CEP170B: variants seen among roughly 807,000 people sequenced by gnomAD.
The protein encoded by CEP170B is centrosomal protein of 170 kDa protein B.
CEP170B carries 55 observed loss-of-function variants against 120.6 expected under a neutral mutation model. That is an observed-to-expected ratio of 0.46 (90% confidence interval 0.37 to 0.57). The LOEUF is 0.57. Among genes scored for constraint, CEP170B ranks in the 20% least tolerant of loss-of-function variants. The pLI, the probability that CEP170B is intolerant of heterozygous loss-of-function variation, is 0.00. For missense variants in CEP170B, 2,212 were observed against 2,253.3 expected, an observed-to-expected ratio of 0.98 and a Z score of 0.37; for synonymous variants, 1,033 against 954.5, an observed-to-expected ratio of 1.08 and a Z score of -1.52.
Position 104,868,602 on chromosome 14 carries a change from T to G in CEP170B, c.105+47T>G. ...CCAGGAGGGTAGGGGGTAGACAGTC[T>G]GTCCCTGTGGAGGCCAGGAAGGTGC... On this transcript the variant is annotated intron_variant, in intron 2 of 18. Transcript: ENST00000414716. This position sits in a 1 kb window ranked among gnomAD's most constrained non-coding sequence, Gnocchi z 5.9. 1 of 1,519,240 alleles carries G rather than the reference T, an allele frequency of 6.6e-7. No individual in the cohort carries two copies. The highest frequency in any genetic ancestry group is 8.9e-7 in the Non-Finnish European group (1 of 1,126,024). 94.1% of individuals were successfully genotyped at this position (1,519,240 alleles called of 1,614,324 possible).
chr14:104,868,916 A>G lies in CEP170B; in HGVS notation c.105+361A>G, dbSNP rs1477084431. Among the ~76,000 whole-genome samples the G allele has an allele frequency of 2.6e-5, 4 of 152,074 alleles. No homozygotes were observed. ...AGGCTGGGCTTTGGAAGGTCCTGGA[A>G]AGCCGGTCTGTCCATATTCTTGTTG... is the stretch of plus-strand genomic sequence containing the variant. On this transcript the variant is annotated intron_variant, in intron 2 of 18. Coordinates refer to ENST00000414716, the MANE Select transcript of CEP170B (RefSeq NM_001112726.3). The surrounding 1 kb of genome is among the most constrained non-coding windows in gnomAD (Gnocchi z 5.9).
chr14:104,886,002 G>A, intron 10 of CEP170B, 38 bp from the exon 11 acceptor site: 1 of 1,497,448 alleles, frequency 6.7e-7, no homozygotes, highest in Non-Finnish European at 8.9e-7. Flanking sequence ...TCGCCGTTGG[G>A]CTTGCGTGTG....
At position 104,893,639 on chromosome 14, in the gene CEP170B, C is replaced by G. The variant is rs1398765329; in HGVS notation, c.4155C>G (p.Asn1385Lys). 4 of 1,593,210 alleles carry G rather than the reference C, an allele frequency of 2.5e-6. No individual in the cohort carries two copies. Among genetic ancestry groups the G allele is most frequent in the Admixed American group, 1.8e-5 (1 of 56,974 alleles). ...MNDSCEDALANKTRPRNREEV... is the reference protein window; with the variant it reads ...MNDSCEDALAKKTRPRNREEV... The stretch of plus-strand genomic sequence containing the variant: ...ACAGCTGTGAGGACGCCCTGGCCAA[C>G]AAGACGCGGCCTCGGAACCGAGAGG... The change falls in exon 15 of 19, where the codon AAC (asparagine) becomes AAG (lysine). Residue 1385 changes from asparagine (N) to lysine (K), a missense_variant. Around this residue, in one of 2 missense-constraint regions of CEP170B, gnomAD observed 2,166 missense variants for 2,166.7 expected, o/e 1.00. Coordinates refer to ENST00000414716, the MANE Select transcript of CEP170B (RefSeq NM_001112726.3).
At chr14:104,872,295 T>TGTGC (rs1465735906) in intron 2 of CEP170B, among the ~76,000 whole-genome samples, 1 of 122,038 alleles carries the variant, frequency 8.2e-6, no homozygotes, top group Non-Finnish European at 1.7e-5. Context: ...GCCGCGTGTG[T>TGTGC]GTGCCATGGG....
rs754958886 is a variant in CEP170B, at chr14:104,894,849, C to T, written c.4556C>T (p.Ala1519Val). 13 of 1,609,828 alleles carry T rather than the reference C, an allele frequency of 8.1e-6. No individual in the cohort carries two copies. The highest frequency in any genetic ancestry group is 4.5e-5 in the East Asian group (2 of 44,800). ...QSPPSPASAE[A>V]LLPALPLRNF... The stretch of plus-strand genomic sequence containing the variant: ...CCACCCTCACCCGCCTCAGCCGAGG[C>T]CCTGCTGCCAGCCCTGCCCCTGAGG... Residue 1519 changes from alanine (A) to valine (V), a missense_variant, in exon 19 of 19, where the codon GCC becomes GTC. Physicochemically the swap from Ala to Val is moderately conservative, Grantham distance 64 (BLOSUM62 0). This residue lies in a region of CEP170B where 2,166 missense variants were observed against 2,166.7 expected (regional missense o/e 1.00). Coordinates refer to ENST00000414716, the MANE Select transcript of CEP170B (RefSeq NM_001112726.3).
rs1252154721 is a variant in CEP170B, at chr14:104,867,103, C to T, written c.-27-1321C>T. Among the ~76,000 whole-genome samples the T allele has an allele frequency of 2.0e-5, 3 of 152,190 alleles. No individual in the cohort carries two copies. Among genetic ancestry groups the T allele is most frequent in the South Asian group, 2.1e-4 (1 of 4,828 alleles). On this transcript the variant is annotated intron_variant, in intron 1 of 18. Transcript: ENST00000414716. This position sits in a 1 kb window ranked among gnomAD's most constrained non-coding sequence, Gnocchi z 5.4. The stretch of plus-strand genomic sequence containing the variant: ...TCTCAGTTTTTGAATAAGGGTACCG[C>T]GTTTTCTTTTTGTGCTGGGCCCTGC...
Position 104,893,575 on chromosome 14 carries a change from G to A in CEP170B, c.4091G>A (p.Gly1364Asp). The A allele has an allele frequency of 6.2e-7, 1 of 1,604,636 alleles. No individual in the cohort carries two copies. Among genetic ancestry groups the A allele is most frequent in the African/African-American group, 1.3e-5 (1 of 74,828 alleles). Residue 1364 changes from glycine to aspartate, a missense_variant, in exon 15 of 19, where the codon GGC (glycine) becomes GAC (aspartate). Gly to Asp is a moderately conservative substitution (Grantham distance 94). This residue lies in a region of CEP170B where 2,166 missense variants were observed against 2,166.7 expected (regional missense o/e 1.00). Coordinates refer to ENST00000414716, the MANE Select transcript of CEP170B (RefSeq NM_001112726.3). Reference sequence around the variant, plus strand: ...CTCAACTTCCAGAAGGTGCCGCCCGGCTCGCTGAACTCTCGGGACTTTGAC... The same window carrying A: ...CTCAACTTCCAGAAGGTGCCGCCCGACTCGCTGAACTCTCGGGACTTTGAC... ...ASLNFQKVPP[G>D]SLNSRDFDQN...
At position 104,877,979 on chromosome 14, in the gene CEP170B, G is replaced by A. The variant is rs759477787; in HGVS notation, c.274+16G>A. ...TTCGGCTACGATATCCTGCCCCTGA[G>A]CGTCCCTCCTCCTGGGCTTCTTCTC... On this transcript the variant is annotated intron_variant, in intron 4 of 18. Transcript: ENST00000414716. The A allele has an allele frequency of 1.9e-6, 3 of 1,598,072 alleles. No homozygotes were observed. Among genetic ancestry groups the A allele is most frequent in the South Asian group, 2.3e-5 (2 of 88,702 alleles).
chr14:104,888,509 C>G (rs1896635318), intron 12 of CEP170B, among the ~76,000 whole-genome samples: 3 of 152,240 alleles, frequency 2.0e-5, no homozygotes, highest in Admixed American at 2.0e-4. Context: ...GGGCTGTGAG[C>G]AGAGTCCTGC....
At chr14:104,894,683 C>T in intron 18 of CEP170B, 28 bp from the exon 19 acceptor site, 2 of 1,569,202 alleles carry the variant, frequency 1.3e-6, no homozygotes, top group Non-Finnish European at 1.7e-6. Context: ...ACTGGATCCG[C>T]AGCCTGACCC....
At position 104,876,372 on chromosome 14, in the gene CEP170B, C is replaced by T. The variant is rs1895846971; in HGVS notation, c.195+27C>T. ...TAAGTGTGAGAGGCCCTGGCCTGGC[C>T]TTTTAACAGCTCGACCCTTCAGCCC... On this transcript the variant is annotated intron_variant, in intron 3 of 18. Coordinates refer to ENST00000414716, the MANE Select transcript of CEP170B (RefSeq NM_001112726.3). 1.9e-6 allele frequency: 3 copies of T among 1,546,324 alleles called. No individual in the cohort carries two copies. In the East Asian group the frequency reaches 7.3e-5, roughly 38 times the overall value.
In CEP170B at chr14:104,894,396, G is replaced by T. The variant is rs142092972; in HGVS notation, c.4365+18G>T. On this transcript the variant is annotated intron_variant, in intron 17 of 18. Coordinates refer to ENST00000414716, the MANE Select transcript of CEP170B (RefSeq NM_001112726.3). The stretch of plus-strand genomic sequence containing the variant: ...CTAACAAGGTGAGCGCTGGGGCCCC[G>T]TGCCCCTTGGCCTGCCCCCAGCCAG... 1.2e-6 allele frequency: 2 copies of T among 1,611,184 alleles called. No homozygotes were observed. The highest frequency in any genetic ancestry group is 1.7e-5 in the Admixed American group (1 of 59,970).
rs548454101 is a variant in CEP170B, at chr14:104,891,998, G to A, written c.3879-978G>A. Among the ~76,000 whole-genome samples, 2 of 152,242 alleles carry A rather than the reference G, an allele frequency of 1.3e-5. No individual in the cohort carries two copies. Among genetic ancestry groups the A allele is most frequent in the African/African-American group, 2.4e-5 (1 of 41,542 alleles). On this transcript the variant is annotated intron_variant, in intron 13 of 18. Transcript: ENST00000414716. This position sits in a 1 kb window ranked among gnomAD's most constrained non-coding sequence, Gnocchi z 4.3. ...TTCTCTGGTCGTGCCAGTGTCTGGC[G>A]AGGGTTGTGGTGCCGCTGGAGGTAG...
At chr14:104,872,702 C>G (rs903218687) in intron 2 of CEP170B, among the ~76,000 whole-genome samples, 1 of 152,078 alleles carries the variant, frequency 6.6e-6, no homozygotes, top group Non-Finnish European at 1.5e-5. Flanking sequence ...TGCATCGAGC[C>G]GGTCTGCTGC....
intron 2 of CEP170B, among the ~76,000 whole-genome samples, chr14:104,872,396 G>GT (rs1895592655): frequency 2.5e-5 from 2 of 78,734 alleles, no homozygotes; most frequent in South Asian, 7.8e-4. Flanking sequence ...GTGTGCCGTG[G>GT]GTGTGCGTGG....
intron 2 of CEP170B, among the ~76,000 whole-genome samples, chr14:104,874,736 C>T (rs1227142107): frequency 6.7e-6 from 1 of 148,246 alleles, no homozygotes; most frequent in African/African-American, 2.5e-5. Context: ...CACTGCAGTA[C>T]CCCCCAACCC....
At chr14:104,878,320 GA>G in intron 4 of CEP170B, 122 bp from the exon 5 acceptor site, 1 of 986,244 alleles carries the variant, frequency 1.0e-6, no homozygotes, top group Non-Finnish European at 1.6e-6. Flanking sequence ...TCCCCGGGAA[GA>G]AAGAGGCCCC....
In CEP170B at chr14:104,868,336, G is replaced by C. The variant is rs1368857760; in HGVS notation, c.-27-88G>C. The C allele has an allele frequency of 7.8e-6, 7 of 900,448 alleles. No homozygotes were observed. Among genetic ancestry groups the C allele is most frequent in the Non-Finnish European group, 1.2e-5 (7 of 601,048 alleles). The allele number at this position is 900,448 out of a possible 1,614,324, so 55.8% of individuals were successfully genotyped here. ...CGGAAGCTGCCAGCTTCCCTTAGAG[G>C]GTCAGGATCTGGGCTGGGCCTTGGA... is the stretch of plus-strand genomic sequence containing the variant. On this transcript the variant is annotated intron_variant, in intron 1 of 18. Transcript: ENST00000414716. The surrounding 1 kb of genome is among the most constrained non-coding windows in gnomAD (Gnocchi z 5.9).
At position 104,886,170 on chromosome 14, in the gene CEP170B, G is replaced by A. The variant is rs80035351; in HGVS notation, c.2035+40G>A. The stretch of plus-strand genomic sequence containing the variant: ...TGCTGCGGGGGAGTCGGGCCAGGCC[G>A]GGGCGGGCCTCAGGCCACTGACCAC... On this transcript the variant is annotated intron_variant, in intron 11 of 18. Coordinates refer to ENST00000414716, the MANE Select transcript of CEP170B (RefSeq NM_001112726.3). 407 of 1,493,320 alleles carry A rather than the reference G, an allele frequency of 2.7e-4. 2 individuals are homozygous for A. The African/African-American group carries it at 4.8e-3, about 18-fold the overall frequency. The allele number at this position is 1,493,320 out of a possible 1,614,324, so 92.5% of individuals were successfully genotyped here.
Sources: allele counts gnomAD v4.1 joint callset (sites outside exome capture counted in the v4.1 genomes callset), GRCh38; gene constraint gnomAD v4.1.1; regional missense constraint gnomAD v4.1.1; non-coding constraint Gnocchi (gnomAD v3.1); transcripts MANE v1.5; gene names NCBI Gene and HGNC (gene_info 2026-07-23, HGNC 2026-07-21).